The following DMD variants were observed in gnomAD, a reference collection of about 807,000 sequenced individuals.
DMD encodes the protein dystrophin, also known as mutant dystrophin.
Under a neutral mutation model 330.1 loss-of-function variants are expected in DMD, and 63 were observed. That is an observed-to-expected ratio of 0.19 (90% CI 0.16 to 0.24). The LOEUF is 0.24. DMD is among the 10% of genes least tolerant of loss of function. The probability of loss-of-function intolerance (pLI) is 1.00; values close to 1 mark genes in which losing one functional copy is unlikely to be tolerated. For missense variants in DMD, 3,344 were observed against 2,684.1 expected (o/e 1.25, Z -5.43); for synonymous variants, 1,223 against 959.8 (o/e 1.27, Z -5.07).
intron 29 of DMD, among the ~76,000 whole-genome samples, chrX:32,413,899 T>G (rs771412828): frequency 1.8e-5 from 2 of 109,256 alleles, no homozygotes; most frequent in South Asian, 8.0e-4. Context: ...TTTTGTATTT[T>G]TAGTAGAGAC....
At chrX:32,844,672 G>C (rs2080491414) in intron 4 of DMD, 111 bp downstream of exon 4, 1 of 651,543 alleles carries the variant, frequency 1.5e-6, no homozygotes, top group Non-Finnish European at 2.5e-6. Flanking sequence ...GAACTGGTCT[G>C]ATTTACAAGA....
Position 32,935,638 on chromosome X carries a change from T to G in DMD, c.93+84501A>C, listed in dbSNP as rs964024966. ...AGTGTAAATTGATTTCCTAAATTAA[T>G]TCTTTAATCCTTTTTGCGCTGAATA... On this transcript the variant is annotated intron_variant, in intron 2 of 78. Transcript: ENST00000357033. Among the ~76,000 whole-genome samples, 11 of 112,034 alleles carry G rather than the reference T, an allele frequency of 9.8e-5. No individual in the cohort carries two copies. The East Asian group carries it at 1.1e-3, about 11-fold the overall frequency.
intron 7 of DMD, among the ~76,000 whole-genome samples, chrX:32,786,695 T>C (rs1233389892): frequency 1.8e-5 from 2 of 111,692 alleles, no homozygotes; most frequent in African/African-American, 6.5e-5. Flanking sequence ...AACCTTTTAG[T>C]TAATGCAAAG....
intron 29 of DMD, among the ~76,000 whole-genome samples, chrX:32,435,445 G>A (rs1361964033): frequency 9.3e-6 from 1 of 107,065 alleles, no homozygotes; most frequent in East Asian, 3.0e-4. Flanking sequence ...AGTACTTTAA[G>A]TGCCGTATTT....
At chrX:31,199,591 TAATA>T (rs1233916009) in intron 67 of DMD, among the ~76,000 whole-genome samples, 1 of 111,940 alleles carries the variant, frequency 8.9e-6, no homozygotes, top group African/African-American at 3.3e-5. Context: ...AGAAAACCTT[TAATA>T]GATAATCCAG....
At chrX:31,474,718 A>T (rs1165238597) in intron 59 of DMD, among the ~76,000 whole-genome samples, 2 of 89,926 alleles carry the variant, frequency 2.2e-5, no homozygotes, top group African/African-American at 8.6e-5. Context: ...AAAAAAAAAT[A>T]AAATAAAATA....
intron 60 of DMD, among the ~76,000 whole-genome samples, chrX:31,375,222 C>T (rs1194187585): frequency 8.9e-6 from 1 of 112,107 alleles, no homozygotes; most frequent in African/African-American, 3.2e-5. Context: ...ATTTGATTTA[C>T]TGGGGACAAC....
At chrX:32,314,969 A>C (rs1174066401) in intron 41 of DMD, among the ~76,000 whole-genome samples, 4 of 111,963 alleles carry the variant, frequency 3.6e-5, no homozygotes. Context: ...CCATTGTGGA[A>C]GACAGTGTGC....
At chrX:32,712,217 G>A (rs932678310) in intron 7 of DMD, among the ~76,000 whole-genome samples, 1 of 111,242 alleles carries the variant, frequency 9.0e-6, no homozygotes, top group Non-Finnish European at 1.9e-5. Context: ...CTGAAATAGT[G>A]AGCAAAAATA....
intron 60 of DMD, among the ~76,000 whole-genome samples, chrX:31,353,908 G>A (rs1484591782): frequency 8.9e-6 from 1 of 112,218 alleles, no homozygotes; most frequent in Non-Finnish European, 1.9e-5. Flanking sequence ...AATAGGGCAT[G>A]TCTCTGTTTC....
chrX:32,511,727 T>C (rs901126857), intron 18 of DMD, among the ~76,000 whole-genome samples: 2 of 110,318 alleles, frequency 1.8e-5, no homozygotes, highest in Non-Finnish European at 3.8e-5. Flanking sequence ...TTTCTGTATG[T>C]GTGTTTTTCT....
chrX:31,119,350 A>ATAAT lies in DMD; in HGVS notation c.*2565_*2568dup, dbSNP rs1349237234. On this transcript the variant is annotated 3_prime_UTR_variant, in exon 79 of 79. Coordinates refer to ENST00000357033, the MANE Select transcript of DMD (RefSeq NM_004006.3). ...TGCAGTAAAACTGAAGTTTAAAAAA[A>ATAAT]TAATTCGTAAATGTTACAGTGTTGG... 8.9e-6 allele frequency: 1 copy of ATAAT among 112,380 alleles called. No homozygotes were observed. Among genetic ancestry groups the ATAAT allele is most frequent in the African/African-American group, 3.2e-5 (1 of 30,943 alleles). The allele number at this position is 112,380 out of a possible 1,213,427, so 9.3% of individuals were successfully genotyped here.
intron 60 of DMD, among the ~76,000 whole-genome samples, chrX:31,399,258 A>G (rs2061079389): frequency 9.1e-6 from 1 of 109,330 alleles, no homozygotes. Flanking sequence ...ATGGAGTGGG[A>G]AGGTAATCTT....
chrX:32,783,529 C>A (rs778526392), intron 7 of DMD, among the ~76,000 whole-genome samples: 1 of 109,669 alleles, frequency 9.1e-6, no homozygotes, highest in South Asian at 3.9e-4. Context: ...TGCTTATTAC[C>A]TGGGTGACAA....
At chrX:32,811,607 A>G (rs766654718) in intron 6 of DMD, among the ~76,000 whole-genome samples, 2 of 112,052 alleles carry the variant, frequency 1.8e-5, no homozygotes, top group South Asian at 3.7e-4. Context: ...GGATGAGCAC[A>G]TGAAACTTAC....
intron 50 of DMD, among the ~76,000 whole-genome samples, chrX:31,778,279 T>C (rs1490059804): frequency 1.8e-5 from 2 of 111,497 alleles, no homozygotes; most frequent in Non-Finnish European, 3.8e-5. Context: ...GCACCACTAT[T>C]AGGTTTTGGA....
intron 7 of DMD, among the ~76,000 whole-genome samples, chrX:32,709,945 C>T (rs2065032405): frequency 1.8e-5 from 2 of 110,851 alleles, no homozygotes; most frequent in Non-Finnish European, 3.8e-5. Flanking sequence ...GGAGAGAGAA[C>T]CTTTTGGGAA....
At position 31,260,938 on chromosome X, in the gene DMD, C is replaced by A; in HGVS notation, c.9286+17G>T. The A allele has an allele frequency of 5.8e-6, 7 of 1,205,847 alleles. No individual in the cohort carries two copies. The highest frequency in any genetic ancestry group is 7.9e-6 in the Non-Finnish European group (7 of 890,528). On this transcript the variant is annotated intron_variant, in intron 63 of 78. Coordinates refer to ENST00000357033, the MANE Select transcript of DMD (RefSeq NM_004006.3). ...CACCTGTCATTTAACTTGGAGGAAA[C>A]ATGGCCATGTCCTTACCTAAAGACT...
chrX:31,933,106 A>G (rs145129843), intron 45 of DMD, among the ~76,000 whole-genome samples: 2,114 of 112,172 alleles, frequency 0.019, 56 homozygotes, highest in African/African-American at 0.065. Flanking sequence ...TAAAGTTACA[A>G]GTTTTAAAAT....
Sources: allele counts gnomAD v4.1 joint callset (sites outside exome capture counted in the v4.1 genomes callset), GRCh38; gene constraint gnomAD v4.1.1; transcripts MANE v1.5; gene names NCBI Gene and HGNC (gene_info 2026-07-23, HGNC 2026-07-21).